The following GRM5 variants were observed in gnomAD, a reference collection of about 807,000 sequenced individuals.
The protein encoded by GRM5 is glutamate metabotropic receptor 5.
A neutral mutation model predicts 83.1 loss-of-function variants in GRM5; 19 were observed. The ratio of observed to expected loss-of-function variants is 0.23; its 90% CI spans 0.16 to 0.34. GRM5 has a LOEUF of 0.34. Among genes scored for constraint, GRM5 ranks in the 10% least tolerant of loss-of-function variants. GRM5 has a pLI of 1.00. For missense variants in GRM5, 1,160 were observed against 1,588.3 expected (o/e 0.73, Z 4.58); for synonymous variants, 675 against 633.6 (o/e 1.07, Z -0.98).
chr11:88,778,247 G>A (rs1942900376), intron 3 of GRM5, among the ~76,000 whole-genome samples: 1 of 152,238 alleles, frequency 6.6e-6, no homozygotes, highest in Admixed American at 6.5e-5. Context: ...CCATGGGCGT[G>A]CGACCTGCTT....
chr11:88,679,807 GACAAAAGCTTTA>G (rs1940430805), intron 3 of GRM5, among the ~76,000 whole-genome samples: 1 of 152,098 alleles, frequency 6.6e-6, no homozygotes, highest in African/African-American at 2.4e-5. Flanking sequence ...AATTCAGTAA[GACAAAAGCTTTA>G]CCACATGCTC....
intron 8 of GRM5, among the ~76,000 whole-genome samples, chr11:88,533,580 T>G (rs531554894): frequency 1.3e-5 from 2 of 152,312 alleles, no homozygotes; most frequent in African/African-American, 4.8e-5. Flanking sequence ...GCAAGCTCTA[T>G]GAAGGCATGG....
intron 4 of GRM5, among the ~76,000 whole-genome samples, chr11:88,630,256 C>T (rs1938925385): frequency 6.6e-6 from 1 of 151,990 alleles, no homozygotes; most frequent in Admixed American, 6.6e-5. Flanking sequence ...ACTCTGTCTC[C>T]CCTAACAGGA....
At chr11:88,558,777 G>T (rs1331200525) in intron 8 of GRM5, among the ~76,000 whole-genome samples, 1 of 119,770 alleles carries the variant, frequency 8.3e-6, no homozygotes, top group African/African-American at 3.3e-5. Context: ...CTACAGCCTG[G>T]CAACAGAGTG....
At chr11:88,988,528 C>T (rs887879540) in intron 2 of GRM5, among the ~76,000 whole-genome samples, 21 of 152,006 alleles carry the variant, frequency 1.4e-4, no homozygotes, top group Admixed American at 7.2e-4. Context: ...AGATACTCCT[C>T]GAGAAGAGCA....
intron 8 of GRM5, among the ~76,000 whole-genome samples, chr11:88,541,348 GA>G (rs1416401180): frequency 6.6e-6 from 1 of 152,106 alleles, no homozygotes; most frequent in Non-Finnish European, 1.5e-5. Flanking sequence ...TAGATATTAG[GA>G]ATTTATCATG....
intron 2 of GRM5, among the ~76,000 whole-genome samples, chr11:88,909,186 AC>A (rs1477763793): frequency 1.3e-5 from 2 of 152,096 alleles, no homozygotes; most frequent in Admixed American, 1.3e-4. Context: ...TGCCTTGGAA[AC>A]CTTGTGGGAA....
Position 88,653,172 on chromosome 11 carries a change from G to C in GRM5, c.1143C>G (p.Cys381Trp). ...PQENSKYNKTCNSSLTLKTHH... is the reference protein window; with the variant it reads ...PQENSKYNKTWNSSLTLKTHH... ...TGAAATAATAAATCTGCTTACTATTGCAAGTCTTGTTGTATTTGCTGTTCT... is the reference window on the plus strand; with the variant it reads ...TGAAATAATAAATCTGCTTACTATTCCAAGTCTTGTTGTATTTGCTGTTCT... The change falls in exon 4 of 10, where the codon TGC becomes TGG. Residue 381 changes from cysteine to tryptophan, a missense_variant. Coordinates refer to ENST00000305447, the MANE Select transcript of GRM5 (RefSeq NM_001143831.3). 1 of 1,562,416 alleles carries C rather than the reference G, an allele frequency of 6.4e-7. No homozygotes were observed. The highest frequency in any genetic ancestry group is 1.1e-5 in the South Asian group (1 of 90,062).
At chr11:88,802,768 T>C in intron 3 of GRM5, among the ~76,000 whole-genome samples, 1 of 149,870 alleles carries the variant, frequency 6.7e-6, no homozygotes, top group Non-Finnish European at 1.5e-5. Context: ...GATGACATGA[T>C]TGTATATCTA....
intron 4 of GRM5, among the ~76,000 whole-genome samples, chr11:88,627,880 C>A (rs556656813): frequency 6.6e-6 from 1 of 152,120 alleles, no homozygotes; most frequent in Admixed American, 6.6e-5. Flanking sequence ...TTGATTACCT[C>A]GTTTTCTTCA....
chr11:88,981,739 G>A (rs374359024), intron 2 of GRM5, among the ~76,000 whole-genome samples: 4 of 152,152 alleles, frequency 2.6e-5, no homozygotes, highest in Non-Finnish European at 4.4e-5. Flanking sequence ...ACTGAAGTTC[G>A]TATCTCAGCT....
At chr11:88,790,842 C>A (rs1363854605) in intron 3 of GRM5, among the ~76,000 whole-genome samples, 1 of 152,074 alleles carries the variant, frequency 6.6e-6, no homozygotes, top group African/African-American at 2.4e-5. Context: ...AGGAAGGCAA[C>A]GGCTAGCATA....
chr11:88,967,820 A>G (rs1265510778), intron 2 of GRM5, among the ~76,000 whole-genome samples: 2 of 152,096 alleles, frequency 1.3e-5, no homozygotes, highest in African/African-American at 4.8e-5. Context: ...AGGCACAGAG[A>G]AAAGGCAGCT....
intron 3 of GRM5, among the ~76,000 whole-genome samples, chr11:88,745,569 G>A (rs1393835923): frequency 6.6e-6 from 1 of 152,126 alleles, no homozygotes; most frequent in Non-Finnish European, 1.5e-5. Context: ...CCTTGGCCTT[G>A]TAGATCTTGT....
intron 2 of GRM5, among the ~76,000 whole-genome samples, chr11:89,022,886 T>G (rs1941023198): frequency 6.6e-6 from 1 of 152,170 alleles, no homozygotes; most frequent in African/African-American, 2.4e-5. Context: ...AACTAGGTCT[T>G]AGATTTAAAA....
chr11:88,700,082 A>G lies in GRM5; in HGVS notation c.912-46679T>C, dbSNP rs765287581. On this transcript the variant is annotated intron_variant, in intron 3 of 9. Coordinates refer to ENST00000305447, the MANE Select transcript of GRM5 (RefSeq NM_001143831.3). Reference sequence around the variant, plus strand: ...GAAGAAAAGTGGCCCAAAGTGAATAAGTATGAATTATTGGACAGAGTTGAA... The same window carrying G: ...GAAGAAAAGTGGCCCAAAGTGAATAGGTATGAATTATTGGACAGAGTTGAA... Among the ~76,000 whole-genome samples, 12 of 152,306 alleles carry G rather than the reference A, an allele frequency of 7.9e-5. No homozygotes were observed. In the South Asian group the frequency reaches 1.5e-3, roughly 18 times the overall value.
chr11:88,891,603 C>T, intron 2 of GRM5, among the ~76,000 whole-genome samples: 1 of 2,302 alleles, frequency 4.3e-4, no homozygotes, highest in Admixed American at 6.8e-3. Flanking sequence ...TTCTAAAATT[C>T]TAATGTCTCA....
intron 3 of GRM5, among the ~76,000 whole-genome samples, chr11:88,737,775 T>C (rs1326030128): frequency 1.3e-5 from 2 of 152,068 alleles, no homozygotes; most frequent in African/African-American, 4.8e-5. Context: ...TTCTTTCACA[T>C]CTATCTATAC....
intron 2 of GRM5, among the ~76,000 whole-genome samples, chr11:88,928,907 T>TACACAC (rs1555043262): frequency 2.4e-3 from 339 of 138,756 alleles, no homozygotes; most frequent in African/African-American, 8.9e-3. Flanking sequence ...TATGTGTATA[T>TACACAC]ACACACACAC....
Sources: gnomAD v4.1 joint callset for allele counts (sites outside exome capture counted in the v4.1 genomes callset) on GRCh38, gnomAD v4.1.1 for gene constraint, MANE v1.5 for transcripts, NCBI Gene and HGNC (gene_info 2026-07-23, HGNC 2026-07-21) for gene names.